The following CRPPA variants were observed in gnomAD, a reference collection of about 807,000 sequenced individuals.
CRPPA encodes D-ribitol-5-phosphate cytidylyltransferase.
In CRPPA, 43 loss-of-function variants were observed where a neutral mutation model predicts 52.0. That is an observed-to-expected ratio of 0.83 (90% CI 0.65 to 1.07). The LOEUF is 1.07. CRPPA is among the 50% of genes least tolerant of loss of function. CRPPA has a pLI of 0.00. For missense variants in CRPPA, 629 were observed against 551.7 expected (o/e 1.14, Z -1.40); for synonymous variants, 250 against 203.5 (o/e 1.23, Z -1.94).
intron 3 of CRPPA, among the ~76,000 whole-genome samples, chr7:16,368,823 G>GCCCA (rs1437073890): frequency 6.6e-6 from 1 of 152,040 alleles, no homozygotes; most frequent in Non-Finnish European, 1.5e-5. Context: ...ACGGATCTTT[G>GCCCA]CCCATACTTC....
intron 9 of CRPPA, among the ~76,000 whole-genome samples, chr7:16,151,036 T>G (rs1432332794): frequency 6.6e-6 from 1 of 152,174 alleles, no homozygotes; most frequent in Non-Finnish European, 1.5e-5. Flanking sequence ...GAGGACACAT[T>G]CAAACCATAG....
chr7:16,414,247 T>C (rs1270059305), intron 1 of CRPPA, among the ~76,000 whole-genome samples: 1 of 152,008 alleles, frequency 6.6e-6, no homozygotes, highest in Non-Finnish European at 1.5e-5. Context: ...CATCACCAAG[T>C]CTGAATAAGC....
At chr7:16,226,644 G>A (rs1782658723) in intron 8 of CRPPA, among the ~76,000 whole-genome samples, 1 of 151,872 alleles carries the variant, frequency 6.6e-6, no homozygotes, top group South Asian at 2.1e-4. Flanking sequence ...GCCTCAGTTA[G>A]ATAGTGGCTA....
intron 7 of CRPPA, among the ~76,000 whole-genome samples, 199 bp from the exon 8 acceptor site, chr7:16,258,681 C>A (rs1783711592): frequency 6.6e-6 from 1 of 151,936 alleles, no homozygotes; most frequent in African/African-American, 2.4e-5. Flanking sequence ...TCAAACCTGC[C>A]TCTTATTACC....
intron 9 of CRPPA, among the ~76,000 whole-genome samples, chr7:16,132,928 G>A (rs998255725): frequency 8.1e-6 from 1 of 123,472 alleles, no homozygotes; most frequent in African/African-American, 2.6e-5. Flanking sequence ...ACGCTGAGGT[G>A]GGAGGACTGC....
At chr7:16,419,787 C>G (rs957478848) in intron 1 of CRPPA, among the ~76,000 whole-genome samples, 1 of 152,090 alleles carries the variant, frequency 6.6e-6, no homozygotes, top group African/African-American at 2.4e-5. Flanking sequence ...CTCCCCACTT[C>G]CCGAGCCTCT....
intron 5 of CRPPA, among the ~76,000 whole-genome samples, chr7:16,293,299 C>G (rs1212869774): frequency 6.6e-6 from 1 of 150,890 alleles, no homozygotes; most frequent in East Asian, 2.0e-4. Context: ...AAATAAGAAA[C>G]ATATCAAATC....
chr7:16,128,619 G>T (rs1258999383), intron 9 of CRPPA, among the ~76,000 whole-genome samples: 1 of 152,102 alleles, frequency 6.6e-6, no homozygotes, highest in African/African-American at 2.4e-5. Context: ...TAAAACATGG[G>T]AGTTATTAGT....
At chr7:16,137,695 G>C (rs966839574) in intron 9 of CRPPA, among the ~76,000 whole-genome samples, 16 of 152,036 alleles carry the variant, frequency 1.1e-4, no homozygotes, top group African/African-American at 3.9e-4. Context: ...CAATTAGACT[G>C]ATCCTATATT....
chr7:16,335,186 G>GA (rs1785650387), intron 3 of CRPPA, among the ~76,000 whole-genome samples: 1 of 132,874 alleles, frequency 7.5e-6, no homozygotes, highest in Non-Finnish European at 1.6e-5. Context: ...AAAGGAAAAA[G>GA]AATAAAAAAA....
At chr7:16,197,555 G>T (rs10232023) in intron 9 of CRPPA, among the ~76,000 whole-genome samples, 47,280 of 151,136 alleles carry the variant, frequency 0.31, 7,652 homozygotes, top group East Asian at 0.51. Flanking sequence ...TAGCTAATCT[G>T]AAACTCCTGG....
chr7:16,136,685 T>C (rs1782768181), intron 9 of CRPPA, among the ~76,000 whole-genome samples: 1 of 152,204 alleles, frequency 6.6e-6, no homozygotes, highest in South Asian at 2.1e-4. Flanking sequence ...TTACGTTAAG[T>C]ATGTGGATAT....
intron 9 of CRPPA, among the ~76,000 whole-genome samples, chr7:16,141,870 T>G (rs192446462): frequency 6.4e-4 from 97 of 152,282 alleles, no homozygotes; most frequent in Admixed American, 9.2e-4. Flanking sequence ...TGGGTCAGAC[T>G]GTCCTCTATC....
intron 8 of CRPPA, among the ~76,000 whole-genome samples, chr7:16,254,643 C>T (rs141364881): frequency 1.7e-3 from 259 of 151,648 alleles, no homozygotes; most frequent in African/African-American, 6.0e-3. Flanking sequence ...ATGTAAACGA[C>T]GAGTTACTGG....
chr7:16,156,860 G>T (rs527549228), intron 9 of CRPPA, among the ~76,000 whole-genome samples: 3 of 152,054 alleles, frequency 2.0e-5, no homozygotes, highest in African/African-American at 7.2e-5. Flanking sequence ...CATTTTAGGG[G>T]GCTCATAGAT....
intron 9 of CRPPA, among the ~76,000 whole-genome samples, chr7:16,116,916 C>G (rs1469331054): frequency 6.6e-6 from 1 of 152,182 alleles, no homozygotes; most frequent in African/African-American, 2.4e-5. Flanking sequence ...AGGTACCATA[C>G]AAAGCAATCT....
chr7:16,242,236 G>T (rs771388921), intron 8 of CRPPA, among the ~76,000 whole-genome samples: 1 of 152,006 alleles, frequency 6.6e-6, no homozygotes, highest in South Asian at 2.1e-4. Context: ...TTACAGGCTT[G>T]AGACACCGCG....
At chr7:16,357,339 T>C (rs1050471346) in intron 3 of CRPPA, among the ~76,000 whole-genome samples, 2 of 152,056 alleles carry the variant, frequency 1.3e-5, no homozygotes, top group Non-Finnish European at 2.9e-5. Flanking sequence ...CCACCATGCC[T>C]GGCTAATTTT....
intron 2 of CRPPA, among the ~76,000 whole-genome samples, chr7:16,392,530 G>T (rs764954631): frequency 5.3e-5 from 8 of 152,050 alleles, no homozygotes; most frequent in Non-Finnish European, 8.8e-5. Context: ...TGCAATCCTT[G>T]CTCTGAAAGG....
Sources: allele counts gnomAD v4.1 joint callset (sites outside exome capture counted in the v4.1 genomes callset), GRCh38; gene constraint gnomAD v4.1.1; transcripts MANE v1.5; gene names NCBI Gene and HGNC (gene_info 2026-07-23, HGNC 2026-07-21).